The following KLKB1 variants were observed in gnomAD, a reference collection of about 807,000 sequenced individuals.
The protein encoded by KLKB1 is plasma kallikrein.
A neutral mutation model predicts 73.6 loss-of-function variants in KLKB1; 58 were observed. That is an observed-to-expected ratio of 0.79 (90% CI 0.64 to 0.98). The LOEUF is 0.98. Among genes scored for constraint, KLKB1 ranks in the 50% least tolerant of loss-of-function variants. The pLI is 0.00. For synonymous variants in KLKB1, 280 were observed against 258.1 expected (o/e 1.08, Z -0.81); for missense variants, 737 against 763.8 (o/e 0.96, Z 0.41).
At chr4:186,221,460 G>T (rs180960786), upstream of KLKB1, among the ~76,000 whole-genome samples, 26 of 151,692 alleles carry the variant, frequency 1.7e-4, no homozygotes, top group East Asian at 4.8e-3. Flanking sequence ...TGCTTTTGCT[G>T]CATCCCATAA....
At chr4:186,234,473 A>G (rs1737554218) in intron 4 of KLKB1, among the ~76,000 whole-genome samples, 1 of 152,178 alleles carries the variant, frequency 6.6e-6, no homozygotes, top group Non-Finnish European at 1.5e-5. Flanking sequence ...GTCTGGAGAC[A>G]TTTTTGGTGG....
intron 6 of KLKB1, among the ~76,000 whole-genome samples, chr4:186,245,824 G>GTTTTTT (rs1402408736): frequency 0.035 from 3,806 of 109,224 alleles, 887 homozygotes; most frequent in Non-Finnish European, 0.052. Flanking sequence ...TTGTTTTTTG[G>GTTTTTT]TTTTTTTTTT....
intron 2 of KLKB1, among the ~76,000 whole-genome samples, chr4:186,231,394 C>A (rs28659787): frequency 0.012 from 1,871 of 152,268 alleles, 34 homozygotes; most frequent in African/African-American, 0.042. Flanking sequence ...ATGTGGGGTG[C>A]AGTATATTTT....
chr4:186,251,194 T>G, intron 7 of KLKB1, 25 bp from the exon 8 acceptor site: 3 of 1,485,182 alleles, frequency 2.0e-6, no homozygotes, highest in East Asian at 4.6e-5. Flanking sequence ...TTTCTTTCTC[T>G]CTTGCTTTTT....
upstream of KLKB1, among the ~76,000 whole-genome samples, chr4:186,223,049 C>T (rs141896206): frequency 3.9e-4 from 59 of 152,236 alleles, no homozygotes; most frequent in East Asian, 8.7e-3. Flanking sequence ...GTTACCCGTG[C>T]GCACATGCTC....
chr4:186,245,488 T>C (rs1204165892), intron 6 of KLKB1, among the ~76,000 whole-genome samples: 1 of 152,090 alleles, frequency 6.6e-6, no homozygotes, highest in African/African-American at 2.4e-5. Context: ...TCTAGTGGGG[T>C]CCCACACAGA....
At chr4:186,227,705 A>ACTC in intron 1 of KLKB1, 118 bp downstream of exon 1, 1 of 157,350 alleles carries the variant, frequency 6.4e-6, no homozygotes, top group East Asian at 1.8e-4. Flanking sequence ...TGTAGAGAGT[A>ACTC]TAGATAATGT....
Position 186,252,187 on chromosome 4 carries a change from T to C in KLKB1, c.1313+2T>C. On this transcript the variant is annotated splice_donor_variant, in intron 11 of 14. Coordinates refer to ENST00000264690, the MANE Select transcript of KLKB1 (RefSeq NM_000892.5). LOFTEE classifies it high-confidence loss of function. ...CACTGCTGCCCACTGCTTTGATGGG[T>C]AAGTGTTGGATGCATCTCATCCAGA... 1 of 1,613,528 alleles carries C rather than the reference T, an allele frequency of 6.2e-7. No individual in the cohort carries two copies. Among genetic ancestry groups the C allele is most frequent in the Non-Finnish European group, 8.5e-7 (1 of 1,179,936 alleles).
intron 6 of KLKB1, among the ~76,000 whole-genome samples, chr4:186,239,617 G>A: frequency 6.8e-6 from 1 of 146,070 alleles, no homozygotes; most frequent in Non-Finnish European, 1.5e-5. Flanking sequence ...TAGGAAACTA[G>A]TACAGTGATA....
chr4:186,235,803 C>T (rs555226120), intron 4 of KLKB1, among the ~76,000 whole-genome samples: 1 of 151,748 alleles, frequency 6.6e-6, no homozygotes, highest in African/African-American at 2.4e-5. Flanking sequence ...AAAAGTCTAA[C>T]CAAGAAATTT....
rs750899027 is a variant in KLKB1, at chr4:186,251,850, G to C, written c.1133G>C (p.Gly378Ala). 8.1e-6 allele frequency: 13 copies of C among 1,612,368 alleles called. No individual in the cohort carries two copies. The Admixed American group carries it at 2.2e-4, about 27-fold the overall frequency. The change falls in exon 10 of 15, where the codon GGG becomes GCG. Residue 378 changes from glycine (G) to alanine (A), a missense_variant. Gly to Ala is a moderately conservative substitution (Grantham distance 60). Coordinates refer to ENST00000264690, the MANE Select transcript of KLKB1 (RefSeq NM_000892.5). The part of the protein sequence containing the change: ...SGYSLRLCNT[G>A]DNSVCTTKTS... ...TACTCTTTGAGATTGTGTAACACTG[G>C]GGACAACTCTGGTGAGTAACCTCAC...
chr4:186,215,491 G>A (rs1026177802), intron 2 of KLKB1, among the ~76,000 whole-genome samples: 17 of 145,040 alleles, frequency 1.2e-4, no homozygotes, highest in Admixed American at 2.8e-4. Flanking sequence ...TAGGCTTTGC[G>A]TCCTTGCTTG....
At chr4:186,241,155 A>T (rs1369003987) in intron 6 of KLKB1, among the ~76,000 whole-genome samples, 3 of 152,192 alleles carry the variant, frequency 2.0e-5, no homozygotes, top group Non-Finnish European at 4.4e-5. Flanking sequence ...GGGAACACCC[A>T]GTAGCCACAT....
intron 11 of KLKB1, among the ~76,000 whole-genome samples, chr4:186,254,079 C>T (rs1396341570): frequency 6.6e-6 from 1 of 152,190 alleles, no homozygotes; most frequent in Non-Finnish European, 1.5e-5. Context: ...GGGATCCACC[C>T]ACCTCGGCCT....
upstream of KLKB1, among the ~76,000 whole-genome samples, chr4:186,224,336 TA>T (rs146823257): frequency 0.024 from 3,651 of 152,216 alleles, 152 homozygotes; most frequent in African/African-American, 0.084. Context: ...GCCAGAATGG[TA>T]GATCCACTGA....
chr4:186,215,915 T>G (rs548240847), intron 2 of KLKB1, among the ~76,000 whole-genome samples: 60 of 152,336 alleles, frequency 3.9e-4, no homozygotes, highest in African/African-American at 1.4e-3. Flanking sequence ...CCATCAATAA[T>G]GCTTGATGTT....
intron 2 of KLKB1, among the ~76,000 whole-genome samples, chr4:186,216,146 A>C (rs981798002): frequency 6.6e-6 from 1 of 152,214 alleles, no homozygotes; most frequent in African/African-American, 2.4e-5. Flanking sequence ...TGTGACTTTC[A>C]TGTGAGGATG....
chr4:186,254,509 AAG>A lies in KLKB1; in HGVS notation c.1314-74_1314-73del, dbSNP rs150253988. ...ATGTATTTCCTTCCCAGTTCTTTGA[AAG>A]AGAGTGATAGGAAAAAGGAACACTA... On this transcript the variant is annotated intron_variant, in intron 11 of 14. Coordinates refer to ENST00000264690, the MANE Select transcript of KLKB1 (RefSeq NM_000892.5). 2.6e-3 allele frequency: 3,046 copies of A among 1,193,082 alleles called. 61 individuals are homozygous for A. In the African/African-American group the frequency reaches 0.039, roughly 15 times the overall value. 73.9% of individuals were successfully genotyped at this position (1,193,082 alleles called of 1,614,324 possible).
chr4:186,228,247 T>C lies in KLKB1; in HGVS notation c.52T>C (p.Ser18Pro). The C allele has an allele frequency of 3.1e-6, 5 of 1,593,498 alleles. No individual in the cohort carries two copies. Among genetic ancestry groups the C allele is most frequent in the Non-Finnish European group, 4.3e-6 (5 of 1,161,292 alleles). ...TYFISLFATV[S>P]CGCLTQLYEN... is the part of the protein sequence containing the mutation. ...TTTCATTTCCTTGTTTGCTACAGTT[T>C]CCTGTGGTAAGTGAATTATCTATAA... The change falls in exon 2 of 15, where the codon TCC becomes CCC. Residue 18 changes from serine (S) to proline (P), a missense_variant. Coordinates refer to ENST00000264690, the MANE Select transcript of KLKB1 (RefSeq NM_000892.5).
Sources: allele counts gnomAD v4.1 joint callset (sites outside exome capture counted in the v4.1 genomes callset), GRCh38; gene constraint gnomAD v4.1.1; transcripts MANE v1.5; gene names NCBI Gene and HGNC (gene_info 2026-07-23, HGNC 2026-07-21).